Variants in CFHR5 observed in about 807,000 individuals in gnomAD.
CFHR5 encodes the protein complement factor H-related protein 5.
CFHR5 carries 73 observed loss-of-function variants against 62.9 expected under a neutral mutation model. The observed-to-expected ratio is 1.16, with a 90% CI of 0.96 to 1.41. The LOEUF (loss-of-function observed/expected upper bound fraction) is 1.41. Among genes scored for constraint, CFHR5 ranks in the 40% most tolerant of loss-of-function variants. The pLI is 0.00. For synonymous variants in CFHR5, 249 were observed against 227.2 expected (o/e 1.10, Z -0.86); for missense variants, 779 against 679.9 (o/e 1.15, Z -1.62).
At chr1:196,999,172 AG>A (rs1299516500) in intron 7 of CFHR5, among the ~76,000 whole-genome samples, 1 of 152,008 alleles carries the variant, frequency 6.6e-6, no homozygotes, top group Non-Finnish European at 1.5e-5. Context: ...AGAAATTGTG[AG>A]GAAAAATACT....
chr1:196,986,445 GT>G (rs769451724), intron 3 of CFHR5, among the ~76,000 whole-genome samples: 12 of 151,978 alleles, frequency 7.9e-5, no homozygotes, highest in African/African-American at 2.7e-4. Context: ...AGGTATACAT[GT>G]GTCATATTGG....
upstream of CFHR5, among the ~76,000 whole-genome samples, chr1:196,976,354 C>T (rs983949164): frequency 5.9e-5 from 9 of 152,136 alleles, no homozygotes; most frequent in Non-Finnish European, 1.3e-4. Flanking sequence ...CTCTAGTCTT[C>T]TCTGATTGTT....
intron 9 of CFHR5, among the ~76,000 whole-genome samples, chr1:197,005,835 T>C (rs189128871): frequency 2.4e-4 from 36 of 152,242 alleles, no homozygotes; most frequent in Admixed American, 1.4e-3. Flanking sequence ...AGTAACAAAT[T>C]ACCCCAATGC....
intron 3 of CFHR5, among the ~76,000 whole-genome samples, chr1:196,991,296 C>T (rs139262945): frequency 0.013 from 2,050 of 152,140 alleles, 41 homozygotes; most frequent in African/African-American, 0.045. Context: ...AGCTTCCTTG[C>T]GATGGGTTCA....
At chr1:197,000,237 G>C (rs1654116981) in intron 7 of CFHR5, among the ~76,000 whole-genome samples, 1 of 152,064 alleles carries the variant, frequency 6.6e-6, no homozygotes, top group Non-Finnish European at 1.5e-5. Flanking sequence ...TGGAAATTAG[G>C]TAAGAACGTT....
rs1215671777 is a variant in CFHR5, at chr1:196,994,226, G to T, written c.577G>T (p.Gly193Trp). ...GSDSVQCYQF[G>W]WSPNFPTCKG... is the part of the protein sequence containing the mutation. Reference sequence around the variant, plus strand: ...AGACTCAGTTCAATGTTACCAATTTGGGTGGTCACCTAACTTTCCAACATG... The same window carrying T: ...AGACTCAGTTCAATGTTACCAATTTTGGTGGTCACCTAACTTTCCAACATG... The change falls in exon 4 of 10, where the codon GGG becomes TGG. Residue 193 changes from glycine to tryptophan, a missense_variant. Transcript: ENST00000256785. 6.2e-7 allele frequency: 1 copy of T among 1,613,586 alleles called. No homozygotes were observed. Among genetic ancestry groups the T allele is most frequent in the Non-Finnish European group, 8.5e-7 (1 of 1,179,738 alleles).
intron 3 of CFHR5, among the ~76,000 whole-genome samples, chr1:196,990,908 A>G (rs143266772): frequency 0.014 from 2,057 of 152,056 alleles, 44 homozygotes; most frequent in African/African-American, 0.045. Flanking sequence ...TTGAATGTTG[A>G]CCTGCCTTGC....
chr1:196,980,814 G>A (rs1271292634), intron 1 of CFHR5, among the ~76,000 whole-genome samples: 1 of 152,068 alleles, frequency 6.6e-6, no homozygotes, highest in Non-Finnish European at 1.5e-5. Context: ...CTAAAGGATA[G>A]GTAGAATACA....
intron 9 of CFHR5, among the ~76,000 whole-genome samples, chr1:197,007,750 C>T (rs1287026745): frequency 6.9e-6 from 1 of 145,906 alleles, no homozygotes; most frequent in Non-Finnish European, 1.5e-5. Flanking sequence ...TATATGTATA[C>T]ATATAATATA....
At chr1:196,981,898 G>GT (rs998221567) in intron 1 of CFHR5, among the ~76,000 whole-genome samples, 4 of 150,176 alleles carry the variant, frequency 2.7e-5, no homozygotes, top group African/African-American at 4.9e-5. Context: ...TCTTTTTATT[G>GT]TTTTTTCTTT....
At chr1:196,980,477 G>A (rs1272243974) in intron 1 of CFHR5, among the ~76,000 whole-genome samples, 1 of 152,034 alleles carries the variant, frequency 6.6e-6, no homozygotes, top group Non-Finnish European at 1.5e-5. Context: ...GTGGTCATCA[G>A]TTGATAGGAA....
intron 3 of CFHR5, among the ~76,000 whole-genome samples, chr1:196,988,519 C>T (rs1315701374): frequency 3.3e-5 from 5 of 152,084 alleles, no homozygotes; most frequent in African/African-American, 1.2e-4. Flanking sequence ...TCATGAGTAG[C>T]TCTTATTATT....
rs746247897 is a variant in CFHR5, at chr1:197,003,917, CT to C, written c.1331-740del. Among the ~76,000 whole-genome samples, 5 of 152,036 alleles carry C rather than the reference CT, an allele frequency of 3.3e-5. No individual in the cohort carries two copies. The East Asian group carries it at 7.7e-4, about 24-fold the overall frequency. ...AAGGAGATAATTCATGAAGAAGGAT[CT>C]TTTACAAGTTTAAAGGTGAAAGAAT... is the stretch of plus-strand genomic sequence containing the variant. On this transcript the variant is annotated intron_variant, in intron 8 of 9. Transcript: ENST00000256785.
intron 3 of CFHR5, among the ~76,000 whole-genome samples, chr1:196,991,935 G>A (rs953027628): frequency 6.6e-6 from 1 of 152,192 alleles, no homozygotes; most frequent in Non-Finnish European, 1.5e-5. Context: ...GTCAGACAGG[G>A]ACATTTATGT....
intron 6 of CFHR5, among the ~76,000 whole-genome samples, chr1:196,997,202 C>T (rs1231644654): frequency 6.6e-6 from 1 of 152,104 alleles, no homozygotes; most frequent in Non-Finnish European, 1.5e-5. Context: ...TGTTGCCAGC[C>T]GTTGTCCCAG....
At chr1:196,980,192 G>C (rs906886896) in intron 1 of CFHR5, among the ~76,000 whole-genome samples, 1 of 151,948 alleles carries the variant, frequency 6.6e-6, no homozygotes, top group African/African-American at 2.4e-5. Context: ...TGATAACAAA[G>C]CCTTCTTCTG....
intron 3 of CFHR5, among the ~76,000 whole-genome samples, chr1:196,993,747 A>G (rs1340093243): frequency 6.6e-6 from 1 of 152,198 alleles, no homozygotes; most frequent in Non-Finnish European, 1.5e-5. Context: ...ATGTTATTAA[A>G]CTTATTTATT....
At chr1:196,984,264 T>C (rs1653624013) in intron 3 of CFHR5, 127 bp downstream of exon 3, 2 of 860,176 alleles carry the variant, frequency 2.3e-6, no homozygotes, top group Non-Finnish European at 1.8e-6. Context: ...TGATTTTCGG[T>C]TCCAATTGTG....
intron 2 of CFHR5, among the ~76,000 whole-genome samples, chr1:196,983,623 G>A (rs1262251294): frequency 6.6e-6 from 1 of 152,212 alleles, no homozygotes. Context: ...AGGCAACAAA[G>A]GAGATAGTAA....
Sources: gnomAD v4.1 joint callset for allele counts (sites outside exome capture counted in the v4.1 genomes callset) on GRCh38, gnomAD v4.1.1 for gene constraint, MANE v1.5 for transcripts, NCBI Gene and HGNC (gene_info 2026-07-23, HGNC 2026-07-21) for gene names.